The following SCAMP1 variants were observed in gnomAD, a reference collection of about 807,000 sequenced individuals.
The protein encoded by SCAMP1 is secretory carrier membrane protein 1, also known as secretory carrier-associated membrane protein 1.
A neutral mutation model predicts 41.8 loss-of-function variants in SCAMP1; 15 were observed. That is an observed-to-expected ratio of 0.36 (90% CI 0.24 to 0.55). The LOEUF (loss-of-function observed/expected upper bound fraction) is 0.55, where lower values mean the gene tolerates loss of function less well. SCAMP1 is among the 20% of genes least tolerant of loss of function. The pLI is 0.86. For missense variants in SCAMP1, 341 were observed against 412.6 expected (o/e 0.83, Z 1.50); for synonymous variants, 135 against 136.8 (o/e 0.99, Z 0.09).
chr5:78,460,806 TCC>T (rs1561287203), intron 8 of SCAMP1, among the ~76,000 whole-genome samples: 2 of 33,706 alleles, frequency 5.9e-5, no homozygotes, highest in African/African-American at 2.7e-4. Flanking sequence ...CCTTCCTTCC[TCC>T]CTTCCTTCCT....
At chr5:78,364,410 A>G (rs1580636627) in intron 1 of SCAMP1, among the ~76,000 whole-genome samples, 1 of 152,268 alleles carries the variant, frequency 6.6e-6, no homozygotes, top group Non-Finnish European at 1.5e-5. Context: ...TTTTTAAAAT[A>G]TGAAGAGAAT....
intron 2 of SCAMP1, among the ~76,000 whole-genome samples, chr5:78,395,313 C>A (rs1233654572): frequency 6.6e-6 from 1 of 152,072 alleles, no homozygotes; most frequent in Non-Finnish European, 1.5e-5. Context: ...ACTCATGAAC[C>A]CCCGACCCTA....
chr5:78,466,462 G>A (rs1350695921), intron 8 of SCAMP1, among the ~76,000 whole-genome samples: 2 of 152,166 alleles, frequency 1.3e-5, no homozygotes, highest in Non-Finnish European at 2.9e-5. Context: ...AAGAGGATAA[G>A]AGGGATAAGG....
chr5:78,389,120 T>C (rs1168235689), intron 2 of SCAMP1, among the ~76,000 whole-genome samples: 2 of 152,244 alleles, frequency 1.3e-5, no homozygotes, highest in Non-Finnish European at 2.9e-5. Flanking sequence ...AGTGAAATAC[T>C]TCAAATTTTC....
chr5:78,430,220 A>G (rs1331079457), intron 6 of SCAMP1, among the ~76,000 whole-genome samples: 1 of 95,554 alleles, frequency 1.0e-5, no homozygotes, highest in East Asian at 2.9e-4. Flanking sequence ...TAAATACAGT[A>G]TTTATTTATA....
intron 1 of SCAMP1, among the ~76,000 whole-genome samples, chr5:78,371,622 A>G (rs1750945474): frequency 6.6e-6 from 1 of 152,182 alleles, no homozygotes; most frequent in African/African-American, 2.4e-5. Flanking sequence ...TACTTTTGCA[A>G]CTGCTTCTAA....
At chr5:78,472,901 A>G (rs868633146) in intron 8 of SCAMP1, among the ~76,000 whole-genome samples, 2 of 152,172 alleles carry the variant, frequency 1.3e-5, no homozygotes, top group Non-Finnish European at 2.9e-5. Flanking sequence ...AGGGGAAGAG[A>G]CAGACAAGTG....
At chr5:78,467,724 T>C (rs1467657314) in intron 8 of SCAMP1, among the ~76,000 whole-genome samples, 3 of 152,310 alleles carry the variant, frequency 2.0e-5, no homozygotes, top group Non-Finnish European at 4.4e-5. Flanking sequence ...TTCTGTATGA[T>C]TTTATGAAGT....
rs183317678 is a variant in SCAMP1, at chr5:78,377,713, G to A, written c.58-11124G>A. Among the ~76,000 whole-genome samples the A allele has an allele frequency of 1.8e-3, 279 of 152,286 alleles. 1 individual carries two copies. Among genetic ancestry groups the A allele is most frequent in the Non-Finnish European group, 3.2e-3 (216 of 68,032 alleles). On this transcript the variant is annotated intron_variant, in intron 1 of 8. Coordinates refer to ENST00000621999, the MANE Select transcript of SCAMP1 (RefSeq NM_004866.6). Reference sequence around the variant, plus strand: ...TTTTACAATTCTCAGTTAGCCATAGGTGGAGAGCTTTTTTGCTTGATCCTT... The same window carrying A: ...TTTTACAATTCTCAGTTAGCCATAGATGGAGAGCTTTTTTGCTTGATCCTT...
At chr5:78,454,955 T>A (rs1753347655) in intron 7 of SCAMP1, among the ~76,000 whole-genome samples, 1 of 152,154 alleles carries the variant, frequency 6.6e-6, no homozygotes, top group South Asian at 2.1e-4. Flanking sequence ...TTCTAGATTT[T>A]CTAGTTGATT....
intron 2 of SCAMP1, among the ~76,000 whole-genome samples, chr5:78,408,653 T>C (rs1751992643): frequency 6.6e-6 from 1 of 152,030 alleles, no homozygotes; most frequent in Admixed American, 6.6e-5. Flanking sequence ...TAGGCTGGAG[T>C]GTAGTGGCAT....
chr5:78,406,363 T>C (rs780913005), intron 2 of SCAMP1, among the ~76,000 whole-genome samples: 2 of 152,218 alleles, frequency 1.3e-5, no homozygotes, highest in Non-Finnish European at 2.9e-5. Flanking sequence ...ACATACACTT[T>C]GGCTGTTTTT....
chr5:78,474,237 T>G (rs1442155098), intron 8 of SCAMP1, among the ~76,000 whole-genome samples: 10 of 152,228 alleles, frequency 6.6e-5, no homozygotes. Flanking sequence ...GCCTGCCTGC[T>G]AATACCATCA....
chr5:78,407,436 C>T (rs1751960080), intron 2 of SCAMP1, among the ~76,000 whole-genome samples: 1 of 152,040 alleles, frequency 6.6e-6, no homozygotes, highest in African/African-American at 2.4e-5. Context: ...AAAGGATACA[C>T]AGTGGTTTAT....
At chr5:78,392,583 C>G (rs1466318365) in intron 2 of SCAMP1, among the ~76,000 whole-genome samples, 1 of 152,112 alleles carries the variant, frequency 6.6e-6, no homozygotes, top group African/African-American at 2.4e-5. Context: ...AAAAGATTTT[C>G]TGAAAGTGAA....
intron 7 of SCAMP1, among the ~76,000 whole-genome samples, chr5:78,458,754 C>T (rs1178771031): frequency 6.6e-6 from 1 of 152,116 alleles, no homozygotes; most frequent in Non-Finnish European, 1.5e-5. Flanking sequence ...GTGGCACGCA[C>T]CTGTAATCCC....
intron 1 of SCAMP1, among the ~76,000 whole-genome samples, chr5:78,386,792 T>C (rs1332329799): frequency 3.3e-5 from 5 of 152,186 alleles, no homozygotes; most frequent in African/African-American, 1.2e-4. Flanking sequence ...GGACCTCAGC[T>C]CTTCTAGCCT....
At chr5:78,456,803 C>A (rs976063340) in intron 7 of SCAMP1, among the ~76,000 whole-genome samples, 9 of 124,868 alleles carry the variant, frequency 7.2e-5, no homozygotes, top group African/African-American at 2.7e-4. Context: ...TCCATTCTCC[C>A]CATCACTTTC....
At chr5:78,431,206 A>T (rs1016322981) in intron 6 of SCAMP1, among the ~76,000 whole-genome samples, 1 of 152,050 alleles carries the variant, frequency 6.6e-6, no homozygotes, top group African/African-American at 2.4e-5. Context: ...CATGCACTTG[A>T]AAGAATATAT....
Sources: allele counts gnomAD v4.1 joint callset (sites outside exome capture counted in the v4.1 genomes callset), GRCh38; gene constraint gnomAD v4.1.1; transcripts MANE v1.5; gene names NCBI Gene and HGNC (gene_info 2026-07-23, HGNC 2026-07-21).